Variants in SGPP2 observed in about 807,000 individuals in gnomAD.
SGPP2 encodes sphingosine-1-phosphate phosphatase 2, also known as sphingosine 1-phosphate phosphohydrolase 2.
In SGPP2, 30 loss-of-function variants were observed where a neutral mutation model predicts 33.9. The ratio of observed to expected loss-of-function variants is 0.89; its 90% confidence interval spans 0.66 to 1.20. The LOEUF is 1.20. Among genes scored for constraint, SGPP2 ranks in the 50% most tolerant of loss-of-function variants. The probability of loss-of-function intolerance (pLI) is 0.00; values close to 1 mark genes in which losing one functional copy is unlikely to be tolerated. For missense variants in SGPP2, 458 were observed against 532.1 expected (o/e 0.86, Z 1.37); for synonymous variants, 233 against 225.0 (o/e 1.04, Z -0.32).
chr2:222,445,241 A>G (rs1276768976), intron 1 of SGPP2, among the ~76,000 whole-genome samples: 1 of 152,242 alleles, frequency 6.6e-6, no homozygotes, highest in African/African-American at 2.4e-5. Context: ...TGGACCAAAC[A>G]TTGACCACTG....
intron 2 of SGPP2, among the ~76,000 whole-genome samples, chr2:222,492,321 CAT>C (rs1698209285): frequency 6.6e-6 from 1 of 152,256 alleles, no homozygotes; most frequent in African/African-American, 2.4e-5. Flanking sequence ...CAGGCAGTCC[CAT>C]ACATCCTCTA....
At chr2:222,513,624 C>T (rs1698562141) in intron 2 of SGPP2, among the ~76,000 whole-genome samples, 3 of 151,728 alleles carry the variant, frequency 2.0e-5, no homozygotes, top group Admixed American at 1.3e-4. Context: ...GTAAGATCAT[C>T]CTGGATTATC....
chr2:222,472,937 C>G (rs894329868), intron 1 of SGPP2, among the ~76,000 whole-genome samples: 1 of 152,118 alleles, frequency 6.6e-6, no homozygotes, highest in East Asian at 1.9e-4. Context: ...TCGCTTGAAC[C>G]TGGGAGGCAG....
At chr2:222,444,761 A>G (rs959567372) in intron 1 of SGPP2, among the ~76,000 whole-genome samples, 1 of 152,218 alleles carries the variant, frequency 6.6e-6, no homozygotes, top group Admixed American at 6.5e-5. Context: ...CTTATCAAGG[A>G]TAGAACTAGG....
chr2:222,459,749 A>C (rs891153167), intron 1 of SGPP2, among the ~76,000 whole-genome samples: 3 of 152,010 alleles, frequency 2.0e-5, no homozygotes, highest in Non-Finnish European at 2.9e-5. Context: ...GACTTTGTAC[A>C]TTTCTTTTCT....
chr2:222,539,245 G>A (rs1227906165), intron 4 of SGPP2, among the ~76,000 whole-genome samples: 2 of 152,200 alleles, frequency 1.3e-5, no homozygotes, highest in East Asian at 3.8e-4. Flanking sequence ...CTGGCCCCAT[G>A]TGAGTCCAAA....
chr2:222,508,434 A>G (rs561503907), intron 2 of SGPP2, among the ~76,000 whole-genome samples: 27 of 152,344 alleles, frequency 1.8e-4, no homozygotes, highest in Middle Eastern at 3.4e-3. Context: ...CTATGCATCA[A>G]TTTCCTTATC....
intron 1 of SGPP2, among the ~76,000 whole-genome samples, chr2:222,461,221 G>C (rs1330136299): frequency 6.6e-6 from 1 of 152,184 alleles, no homozygotes; most frequent in Non-Finnish European, 1.5e-5. Flanking sequence ...ATTTACATAA[G>C]TGACTCCATT....
chr2:222,424,735 G>A lies in SGPP2; in HGVS notation c.133G>A (p.Val45Ile), dbSNP rs556054129. 4.2e-6 allele frequency: 6 copies of A among 1,429,280 alleles called. No individual in the cohort carries two copies. Among genetic ancestry groups the A allele is most frequent in the South Asian group, 2.8e-5 (2 of 71,428 alleles). The allele number at this position is 1,429,280 out of a possible 1,614,324, so 88.5% of individuals were successfully genotyped here. ...GADPTERAAR[V>I]PGVEHLPAAN... is the part of the protein sequence containing the mutation. ...GGACCCCACGGAGCGCGCGGCGCGGGTCCCCGGGGTCGAGCATCTCCCCGC... is the reference window on the plus strand; with the variant it reads ...GGACCCCACGGAGCGCGCGGCGCGGATCCCCGGGGTCGAGCATCTCCCCGC... Residue 45 changes from valine (V) to isoleucine (I), a missense_variant, in exon 1 of 5, where the codon GTC (valine) becomes ATC (isoleucine). Transcript: ENST00000321276.
chr2:222,469,476 C>G (rs1697806387), intron 1 of SGPP2, among the ~76,000 whole-genome samples: 1 of 152,232 alleles, frequency 6.6e-6, no homozygotes, highest in South Asian at 2.1e-4. Context: ...AGCCATCGCG[C>G]CTGGCTGAAG....
At chr2:222,554,285 T>C (rs936630066) in intron 4 of SGPP2, among the ~76,000 whole-genome samples, 2 of 152,350 alleles carry the variant, frequency 1.3e-5, no homozygotes, top group Admixed American at 6.5e-5. Flanking sequence ...GTTCTGCACC[T>C]TGCTTTTTAA....
chr2:222,518,416 T>C (rs991847308), intron 2 of SGPP2, among the ~76,000 whole-genome samples: 3 of 152,226 alleles, frequency 2.0e-5, no homozygotes, highest in African/African-American at 7.2e-5. Flanking sequence ...TAAGTATTTT[T>C]TTACCCTTAT....
In SGPP2 at chr2:222,485,344, T is replaced by G. The variant is rs1163317339; in HGVS notation, c.378+10618T>G. Among the ~76,000 whole-genome samples the G allele has an allele frequency of 3.3e-5, 5 of 152,218 alleles. No individual in the cohort carries two copies. In the East Asian group the frequency reaches 9.6e-4, roughly 29 times the overall value. On this transcript the variant is annotated intron_variant, in intron 2 of 4. Transcript: ENST00000321276. ...ATTTTCCTTCCAGTTCTCCATGCCT[T>G]GGTACTGGTGCGTCCCCTTCCCACC...
intron 4 of SGPP2, among the ~76,000 whole-genome samples, chr2:222,535,008 C>T (rs1698892078): frequency 6.6e-6 from 1 of 152,284 alleles, no homozygotes; most frequent in Non-Finnish European, 1.5e-5. Flanking sequence ...ATATGTATTA[C>T]TAACAACAAA....
At chr2:222,553,558 C>G (rs138854404) in intron 4 of SGPP2, among the ~76,000 whole-genome samples, 1 of 152,148 alleles carries the variant, frequency 6.6e-6, no homozygotes, top group Non-Finnish European at 1.5e-5. Context: ...GGGCAGTACC[C>G]TGAATCTGCA....
intron 2 of SGPP2, among the ~76,000 whole-genome samples, chr2:222,481,743 TG>T (rs1012758334): frequency 1.3e-5 from 2 of 152,104 alleles, no homozygotes; most frequent in African/African-American, 4.8e-5. Context: ...GAGCTTACTG[TG>T]GGGGGTGACC....
intron 2 of SGPP2, among the ~76,000 whole-genome samples, chr2:222,521,351 A>G (rs1698682509): frequency 6.6e-6 from 1 of 152,140 alleles, no homozygotes. Context: ...CTAGATTCGA[A>G]TCCCAGTTCT....
intron 4 of SGPP2, among the ~76,000 whole-genome samples, chr2:222,525,702 G>A (rs920710061): frequency 1.3e-5 from 2 of 152,206 alleles, no homozygotes; most frequent in African/African-American, 4.8e-5. Context: ...GACCACAGGG[G>A]CGCTATTTAT....
chr2:222,511,575 G>C (rs1303226029), intron 2 of SGPP2, among the ~76,000 whole-genome samples: 1 of 152,184 alleles, frequency 6.6e-6, no homozygotes, highest in Non-Finnish European at 1.5e-5. Context: ...TTGGAAAGTG[G>C]CCTCTTCAAC....
Sources: allele counts gnomAD v4.1 joint callset (sites outside exome capture counted in the v4.1 genomes callset), GRCh38; gene constraint gnomAD v4.1.1; transcripts MANE v1.5; gene names NCBI Gene and HGNC (gene_info 2026-07-23, HGNC 2026-07-21).